The following FAM53A variants were observed in gnomAD, a reference collection of about 807,000 sequenced individuals.
FAM53A encodes family with sequence similarity 53 member A, also known as protein FAM53A.
Under a neutral mutation model 26.6 loss-of-function variants are expected in FAM53A, and 28 were observed. The ratio of observed to expected loss-of-function variants is 1.05; its 90% CI spans 0.78 to 1.45. FAM53A has a LOEUF of 1.45. FAM53A is among the 40% of genes most tolerant of loss of function. The pLI is 0.00. For missense variants in FAM53A, 650 were observed against 575.8 expected (o/e 1.13, Z -1.32); for synonymous variants, 290 against 253.1 (o/e 1.15, Z -1.38).
chr4:1,676,496 C>T (rs1416217951), intron 1 of FAM53A, among the ~76,000 whole-genome samples: 1 of 152,158 alleles, frequency 6.6e-6, no homozygotes, highest in Non-Finnish European at 1.5e-5. Context: ...CCTCACTCAA[C>T]CCCTAAAACA....
chr4:1,618,705 G>A (rs1019902642), intron 1 of FAM53A, among the ~76,000 whole-genome samples: 3 of 152,178 alleles, frequency 2.0e-5, no homozygotes, highest in African/African-American at 7.2e-5. Context: ...AGGCCATGGG[G>A]TATGGCCAGG....
intron 1 of FAM53A, among the ~76,000 whole-genome samples, chr4:1,680,862 A>G (rs1211950442): frequency 6.6e-6 from 1 of 152,066 alleles, no homozygotes; most frequent in Non-Finnish European, 1.5e-5. Context: ...ACAGATTTTT[A>G]AGGCAGTGAA....
At chr4:1,684,990 G>C (rs1033349603), upstream of FAM53A, among the ~76,000 whole-genome samples, 1 of 152,096 alleles carries the variant, frequency 6.6e-6, no homozygotes, top group Non-Finnish European at 1.5e-5. Flanking sequence ...GTGGCGGGCA[G>C]CGGAAGGAGG....
At chr4:1,683,838 C>A (rs1310203197) in intron 1 of FAM53A, 4 of 152,212 alleles carry the variant, frequency 2.6e-5, no homozygotes, top group Non-Finnish European at 4.4e-5. Flanking sequence ...CGATTTACAC[C>A]CCCAGGCTAC....
intron 1 of FAM53A, among the ~76,000 whole-genome samples, chr4:1,672,708 C>T (rs955309934): frequency 2.6e-5 from 4 of 151,534 alleles, no homozygotes; most frequent in East Asian, 3.9e-4. Context: ...GTGAACACCC[C>T]GAGAGCCTCC....
chr4:1,623,618 G>A (rs929655040), intron 1 of FAM53A, among the ~76,000 whole-genome samples: 1 of 152,210 alleles, frequency 6.6e-6, no homozygotes, highest in African/African-American at 2.4e-5. Context: ...AGTGCCATCC[G>A]TCAGCAGACG....
intron 1 of FAM53A, among the ~76,000 whole-genome samples, chr4:1,670,242 C>T (rs1184235472): frequency 1.3e-5 from 2 of 152,276 alleles, no homozygotes; most frequent in Non-Finnish European, 2.9e-5. Flanking sequence ...TCGATACCTG[C>T]GTTCCACGCT....
At chr4:1,664,415 T>C (rs1376875575) in intron 2 of FAM53A, among the ~76,000 whole-genome samples, 1 of 152,218 alleles carries the variant, frequency 6.6e-6, no homozygotes, top group Non-Finnish European at 1.5e-5. Context: ...CAGAACCTCA[T>C]ACATGAATGT....
chr4:1,666,548 G>A lies in FAM53A; in HGVS notation c.75+2119C>T, dbSNP rs547762560. Among the ~76,000 whole-genome samples, 16 of 152,386 alleles carry A rather than the reference G, an allele frequency of 1.0e-4. No homozygotes were observed. The South Asian group carries it at 3.3e-3, about 32-fold the overall frequency. On this transcript the variant is annotated intron_variant, in intron 2 of 4. Coordinates refer to ENST00000308132, the MANE Select transcript of FAM53A (RefSeq NM_001174070.3). ...GACACCTCCCAGGCCCGGCAGGCAT[G>A]CTGCGTAGCCACCTCCCTGGAAAGC...
At chr4:1,614,544 C>A (rs1321719271), downstream of FAM53A, among the ~76,000 whole-genome samples, 1 of 151,418 alleles carries the variant, frequency 6.6e-6, no homozygotes, top group Non-Finnish European at 1.5e-5. Flanking sequence ...CAGAGACACA[C>A]CAGAACAACA....
intron 1 of FAM53A, among the ~76,000 whole-genome samples, chr4:1,623,351 C>A (rs1048252694): frequency 1.3e-5 from 2 of 152,154 alleles, no homozygotes; most frequent in African/African-American, 4.8e-5. Flanking sequence ...CCCACCGCAG[C>A]CCCGGGAGAG....
At chr4:1,617,705 G>A (rs1445460240), downstream of FAM53A, among the ~76,000 whole-genome samples, 1 of 152,144 alleles carries the variant, frequency 6.6e-6, no homozygotes, top group East Asian at 1.9e-4. Flanking sequence ...TAGGTCCGCT[G>A]GTGACAAACA....
intron 2 of FAM53A, 36 bp downstream of exon 2, chr4:1,668,631 G>C (rs758972625): frequency 5.6e-6 from 9 of 1,612,104 alleles, no homozygotes; most frequent in Non-Finnish European, 7.6e-6. Context: ...GCACGGGGGA[G>C]GGGCACCCAG....
chr4:1,652,300 A>C (rs1191762347), intron 4 of FAM53A, among the ~76,000 whole-genome samples: 1 of 144,930 alleles, frequency 6.9e-6, no homozygotes, highest in Admixed American at 6.9e-5. Context: ...CCACACACAC[A>C]CAAACACCAC....
downstream of FAM53A, among the ~76,000 whole-genome samples, chr4:1,638,550 T>A (rs1249787656): frequency 6.6e-6 from 1 of 150,542 alleles, no homozygotes; most frequent in African/African-American, 2.5e-5. Context: ...GAGCCAGAGG[T>A]TTGGGGAAGG....
intron 2 of FAM53A, among the ~76,000 whole-genome samples, chr4:1,667,062 A>G (rs1714288121): frequency 6.6e-6 from 1 of 150,600 alleles, no homozygotes; most frequent in Non-Finnish European, 1.5e-5. Flanking sequence ...TGGGAGGTGG[A>G]GGTTGCAGTG....
In FAM53A at chr4:1,659,943, G is replaced by A. The variant is rs1713702932; in HGVS notation, c.76-2475C>T. 6.6e-6 allele frequency among the ~76,000 whole-genome samples: 1 copy of A among 152,178 alleles called. No individual in the cohort carries two copies. Among genetic ancestry groups the A allele is most frequent in the African/African-American group, 2.4e-5 (1 of 41,436 alleles). On this transcript the variant is annotated intron_variant, in intron 2 of 4. Coordinates refer to ENST00000308132, the MANE Select transcript of FAM53A (RefSeq NM_001174070.3). The surrounding 1 kb of genome is among the most constrained non-coding windows in gnomAD (Gnocchi z 5.2). ...ATATTCATCCCGTCACCTTGAGGGT[G>A]AGGACTTCAACATATGGGTTTCGGG...
chr4:1,600,927 G>A, the FAM53A span, among the ~76,000 whole-genome samples: 139 of 152,310 alleles, frequency 9.1e-4, no homozygotes, highest in Non-Finnish European at 1.8e-3. Flanking sequence ...TGTTAGGCTC[G>A]ACGTCTGGGA....
chr4:1,665,786 C>T (rs1714178790), intron 2 of FAM53A, among the ~76,000 whole-genome samples: 1 of 152,108 alleles, frequency 6.6e-6, no homozygotes, highest in Admixed American at 6.5e-5. Flanking sequence ...CCTATGCTGC[C>T]TTCTCTGTCA....
Sources: allele counts gnomAD v4.1 joint callset (sites outside exome capture counted in the v4.1 genomes callset), GRCh38; gene constraint gnomAD v4.1.1; non-coding constraint Gnocchi (gnomAD v3.1); transcripts MANE v1.5; gene names NCBI Gene and HGNC (gene_info 2026-07-23, HGNC 2026-07-21).